The following TMA16 variants were observed in gnomAD, a reference collection of about 807,000 sequenced individuals.
TMA16 encodes the protein translation machinery-associated protein 16.
Under a neutral mutation model 27.1 loss-of-function variants are expected in TMA16, and 26 were observed. That is an observed-to-expected ratio of 0.96 (90% CI 0.70 to 1.33). TMA16 has a LOEUF of 1.33. Among genes scored for constraint, TMA16 ranks in the 40% most tolerant of loss-of-function variants. The pLI is 0.00. For synonymous variants in TMA16, 71 were observed against 81.9 expected (o/e 0.87, Z 0.72); for missense variants, 233 against 241.4 (o/e 0.97, Z 0.23).
At chr4:163,510,860 C>T (rs913140142) in intron 2 of TMA16, among the ~76,000 whole-genome samples, 7 of 152,188 alleles carry the variant, frequency 4.6e-5, no homozygotes, top group Admixed American at 3.9e-4. Flanking sequence ...AATGTGACTA[C>T]TTGACCATTG....
intron 2 of TMA16, among the ~76,000 whole-genome samples, chr4:163,508,212 A>G (rs560222035): frequency 6.6e-6 from 1 of 152,258 alleles, no homozygotes; most frequent in Non-Finnish European, 1.5e-5. Context: ...GCTCTCATAT[A>G]TATCAGTATT....
intron 6 of TMA16, among the ~76,000 whole-genome samples, chr4:163,519,010 C>T (rs1302619486): frequency 6.6e-6 from 1 of 152,064 alleles, no homozygotes; most frequent in East Asian, 1.9e-4. Context: ...CAGTTGATTA[C>T]TGAAACTTAA....
intron 2 of TMA16, among the ~76,000 whole-genome samples, chr4:163,511,583 A>G (rs942095697): frequency 1.3e-5 from 2 of 151,704 alleles, no homozygotes; most frequent in African/African-American, 2.4e-5. Flanking sequence ...GGCCAAGGTG[A>G]GAGGACCGCT....
chr4:163,514,211 C>T (rs561208836), intron 4 of TMA16, 53 bp downstream of exon 4: 1 of 1,427,260 alleles, frequency 7.0e-7, no homozygotes, highest in Admixed American at 2.2e-5. Context: ...ATTGTCCAGC[C>T]TGGTTCTTTA....
rs1316685352 is a variant in TMA16 at position 163,519,981 on chromosome 4, G to A, written c.*467G>A. 1 of 601,990 alleles carries A rather than the reference G, an allele frequency of 1.7e-6. No individual in the cohort carries two copies. The highest frequency in any genetic ancestry group is 2.6e-5 in the Admixed American group (1 of 38,854). 37.3% of individuals were successfully genotyped at this position (601,990 alleles called of 1,614,324 possible). A position where few individuals can be genotyped will look rare whatever the true frequency, so the allele number is the denominator to read the frequency against. Reference sequence around the variant, plus strand: ...ATTAAACCTATTTTCCTTTTTTACAGAATAAGGGAAAATGTGATAAGAAGT... The same window carrying A: ...ATTAAACCTATTTTCCTTTTTTACAAAATAAGGGAAAATGTGATAAGAAGT... On this transcript the variant is annotated 3_prime_UTR_variant, in exon 7 of 7. Transcript: ENST00000358572.
chr4:163,519,633 G>A lies in TMA16; in HGVS notation c.*119G>A, dbSNP rs1432443487. 7.0e-6 allele frequency: 7 copies of A among 996,230 alleles called. No homozygotes were observed. Among genetic ancestry groups the A allele is most frequent in the African/African-American group, 1.7e-5 (1 of 57,890 alleles). 61.7% of individuals were successfully genotyped at this position (996,230 alleles called of 1,614,324 possible). A position where few individuals can be genotyped will look rare whatever the true frequency, so the allele number is the denominator to read the frequency against. On this transcript the variant is annotated 3_prime_UTR_variant, in exon 7 of 7. Transcript: ENST00000358572. Reference sequence around the variant, plus strand: ...ACTGACATTCTCTTATATGATGAGAGTTTCATTTGCGTTTCAAAAATGGTG... The same window carrying A: ...ACTGACATTCTCTTATATGATGAGAATTTCATTTGCGTTTCAAAAATGGTG...
rs939213674 is a variant in TMA16, at chr4:163,501,134, CTA to C, written c.4-5897_4-5896del. Among the ~76,000 whole-genome samples the C allele has an allele frequency of 3.3e-5, 5 of 152,148 alleles. No individual in the cohort carries two copies. The East Asian group carries it at 9.6e-4, about 29-fold the overall frequency. Reference sequence around the variant, plus strand: ...CTCCCATCTGAATATTCTTGGGAGACTATGCTTACTGTTATCTCTGGAAAGAA... The same window carrying C: ...CTCCCATCTGAATATTCTTGGGAGACTGCTTACTGTTATCTCTGGAAAGAA... On this transcript the variant is annotated intron_variant, in intron 1 of 6. Coordinates refer to ENST00000358572, the MANE Select transcript of TMA16 (RefSeq NM_018352.3).
At chr4:163,502,824 AG>A (rs1426607886) in intron 1 of TMA16, among the ~76,000 whole-genome samples, 1 of 152,188 alleles carries the variant, frequency 6.6e-6, no homozygotes, top group Admixed American at 6.5e-5. Context: ...AAAAAAGTGT[AG>A]ATTTGCTTAG....
At chr4:163,509,437 T>A (rs1442299175) in intron 2 of TMA16, among the ~76,000 whole-genome samples, 3 of 152,204 alleles carry the variant, frequency 2.0e-5, no homozygotes, top group Admixed American at 6.5e-5. Flanking sequence ...CTGCTACAAT[T>A]TAGCAGCTTA....
intron 3 of TMA16, 54 bp from the exon 4 acceptor site, chr4:163,514,020 C>A: frequency 7.6e-7 from 1 of 1,323,100 alleles, no homozygotes; most frequent in Non-Finnish European, 1.0e-6. Flanking sequence ...TGAATATTTA[C>A]TTGCTTAAAT....
intron 1 of TMA16, among the ~76,000 whole-genome samples, chr4:163,495,337 TA>T (rs1737534265): frequency 6.6e-6 from 1 of 152,246 alleles, no homozygotes; most frequent in South Asian, 2.1e-4. Context: ...AGAGTGTTAC[TA>T]AAGCACATTT....
intron 2 of TMA16, among the ~76,000 whole-genome samples, chr4:163,511,327 A>T (rs995848813): frequency 6.6e-6 from 1 of 151,576 alleles, no homozygotes; most frequent in African/African-American, 2.4e-5. Context: ...AATGATGTTG[A>T]GCATCTTTTT....
intron 3 of TMA16, 94 bp from the exon 4 acceptor site, chr4:163,513,980 T>C (rs1737836191): frequency 9.9e-7 from 1 of 1,010,714 alleles, no homozygotes; most frequent in Admixed American, 2.8e-5. Flanking sequence ...TTTGGTTCTG[T>C]TTTAAACACG....
At chr4:163,512,584 T>A (rs1245245494) in intron 2 of TMA16, 1 of 396,514 alleles carries the variant, frequency 2.5e-6, no homozygotes, top group Non-Finnish European at 4.6e-6. Context: ...AACTGGTTTG[T>A]TCTATAGGCT....
At position 163,520,365 on chromosome 4, in the gene TMA16, A is replaced by ATT. The variant is rs80347859; in HGVS notation, c.*860_*861dup. 7 of 158,890 alleles carry ATT rather than the reference A, an allele frequency of 4.4e-5. No individual in the cohort carries two copies. Among genetic ancestry groups the ATT allele is most frequent in the African/African-American group, 9.7e-5 (4 of 41,064 alleles). The allele number at this position is 158,890 out of a possible 1,614,324, so 9.8% of individuals were successfully genotyped here. Reference sequence around the variant, plus strand: ...AAACTTTTTAAATGTAAGTATCCTTATTTTTTTTTTAAAAGAGCACAATGT... The same window carrying ATT: ...AAACTTTTTAAATGTAAGTATCCTTATTTTTTTTTTTTAAAAGAGCACAATGT... On this transcript the variant is annotated 3_prime_UTR_variant, in exon 7 of 7. Coordinates refer to ENST00000358572, the MANE Select transcript of TMA16 (RefSeq NM_018352.3).
At chr4:163,517,900 T>A (rs1352514063) in intron 6 of TMA16, among the ~76,000 whole-genome samples, 5 of 152,068 alleles carry the variant, frequency 3.3e-5, no homozygotes, top group Non-Finnish European at 7.4e-5. Context: ...CAAGACCCGC[T>A]TTGTCCAGTG....
intron 5 of TMA16, chr4:163,517,002 G>A (rs772599889): frequency 4.5e-4 from 70 of 156,670 alleles, no homozygotes; most frequent in Non-Finnish European, 7.4e-4. Context: ...GTTTTGTTTT[G>A]TTTTTTTTCT....
intron 6 of TMA16, 163 bp downstream of exon 6, chr4:163,517,639 A>G: frequency 1.0e-5 from 2 of 191,016 alleles, no homozygotes; most frequent in Non-Finnish European, 2.1e-5. Flanking sequence ...AGTTGGGCGT[A>G]CAAACAGTTG....
At chr4:163,518,938 G>A (rs1441721) in intron 6 of TMA16, among the ~76,000 whole-genome samples, 1,986 of 151,982 alleles carry the variant, frequency 0.013, 51 homozygotes, top group African/African-American at 0.046. Flanking sequence ...TTCACATTAC[G>A]TCTAAAGTAA....
Sources: gnomAD v4.1 joint callset for allele counts (sites outside exome capture counted in the v4.1 genomes callset) on GRCh38, gnomAD v4.1.1 for gene constraint, MANE v1.5 for transcripts, NCBI Gene and HGNC (gene_info 2026-07-23, HGNC 2026-07-21) for gene names.